STRN3: variants seen among roughly 807,000 people sequenced by gnomAD.
STRN3 encodes the protein striatin-3.
In STRN3, 29 loss-of-function variants were observed where a neutral mutation model predicts 95.6. The observed-to-expected ratio is 0.30, with a 90% CI of 0.23 to 0.41. The LOEUF (loss-of-function observed/expected upper bound fraction) is 0.41, where lower values mean the gene tolerates loss of function less well. Ranked by LOEUF, STRN3 falls within the 10% of genes least tolerant of loss-of-function variation. The pLI is 1.00. For synonymous variants in STRN3, 331 were observed against 357.6 expected (o/e 0.93, Z 0.84); for missense variants, 890 against 972.1 (o/e 0.92, Z 1.12).
chr14:30,907,797 ATC>A lies in STRN3; in HGVS notation c.1721-755_1721-754del, dbSNP rs113823728. 2.6e-5 allele frequency among the ~76,000 whole-genome samples: 4 copies of A among 152,280 alleles called. 1 individual carries two copies. Among genetic ancestry groups the A allele is most frequent in the African/African-American group, 9.6e-5 (4 of 41,564 alleles). On this transcript the variant is annotated intron_variant, in intron 13 of 17. Transcript: ENST00000357479. Reference sequence around the variant, plus strand: ...TGTATGGATATACCATATTTTATTTATCTGTTCCTTAACTGACAGACATTTGA... The same window carrying A: ...TGTATGGATATACCATATTTTATTTATGTTCCTTAACTGACAGACATTTGA...
At chr14:30,952,071 T>C (rs1010682039) in intron 3 of STRN3, among the ~76,000 whole-genome samples, 1 of 151,800 alleles carries the variant, frequency 6.6e-6, no homozygotes, top group African/African-American at 2.4e-5. Flanking sequence ...TGAGCCAAGA[T>C]TGCACCACTG....
Position 30,956,040 on chromosome 14 carries a change from T to C in STRN3, c.386+99A>G, listed in dbSNP as rs532670026. On this transcript the variant is annotated intron_variant, in intron 2 of 17. Transcript: ENST00000357479. ...AGCATCATGTATTCGGGCAAGGATT[T>C]GTACCTTTCAAAAAAAGCTGCCAAA... is the stretch of plus-strand genomic sequence containing the variant. 2.1e-5 allele frequency: 20 copies of C among 961,044 alleles called. No individual in the cohort carries two copies. In the Admixed American group the frequency reaches 4.6e-4, roughly 22 times the overall value. 59.5% of individuals were successfully genotyped at this position (961,044 alleles called of 1,614,324 possible).
intron 1 of STRN3, among the ~76,000 whole-genome samples, chr14:30,974,677 G>A (rs548270993): frequency 6.6e-6 from 1 of 151,134 alleles, no homozygotes; most frequent in African/African-American, 2.4e-5. Context: ...TATGGCACAC[G>A]CCTGTAGTCT....
intron 1 of STRN3, among the ~76,000 whole-genome samples, chr14:31,023,098 A>G (rs1883576925): frequency 6.6e-6 from 1 of 152,236 alleles, no homozygotes; most frequent in Non-Finnish European, 1.5e-5. Context: ...ATTACAAAAA[A>G]GAAAAGTGTA....
chr14:30,987,363 T>C (rs1036848793), intron 1 of STRN3, among the ~76,000 whole-genome samples: 1 of 151,816 alleles, frequency 6.6e-6, no homozygotes, highest in African/African-American at 2.4e-5. Context: ...AAAAATTAGC[T>C]GGGCGTGGTG....
intron 1 of STRN3, among the ~76,000 whole-genome samples, chr14:30,986,152 A>G (rs1049207015): frequency 3.3e-5 from 5 of 152,198 alleles, no homozygotes; most frequent in African/African-American, 7.2e-5. Context: ...TTTACCTTCC[A>G]TTTGGAAAAC....
At chr14:30,921,360 G>C (rs926041775) in intron 8 of STRN3, among the ~76,000 whole-genome samples, 3 of 152,266 alleles carry the variant, frequency 2.0e-5, no homozygotes, top group Admixed American at 2.0e-4. Flanking sequence ...CATGAACTGG[G>C]AGATATAGAA....
At chr14:30,953,060 A>G (rs1035830379) in intron 3 of STRN3, among the ~76,000 whole-genome samples, 2 of 152,226 alleles carry the variant, frequency 1.3e-5, no homozygotes, top group Admixed American at 1.3e-4. Context: ...CTGTATGGCA[A>G]TACAGATTAA....
At chr14:30,967,930 G>A (rs867743019) in intron 1 of STRN3, among the ~76,000 whole-genome samples, 25 of 152,178 alleles carry the variant, frequency 1.6e-4, no homozygotes, top group Non-Finnish European at 1.5e-4. Context: ...TGGGGTGGTG[G>A]GGGAACAACA....
intron 1 of STRN3, among the ~76,000 whole-genome samples, chr14:30,995,645 T>C (rs1244076473): frequency 6.6e-6 from 1 of 151,946 alleles, no homozygotes; most frequent in Non-Finnish European, 1.5e-5. Context: ...TTAGGAAGAG[T>C]TGCCCATCTT....
At chr14:30,896,593 G>A (rs900802229) in intron 16 of STRN3, among the ~76,000 whole-genome samples, 1 of 151,136 alleles carries the variant, frequency 6.6e-6, no homozygotes, top group African/African-American at 2.4e-5. Flanking sequence ...GGGGAGGGGA[G>A]GGAAGAAGGA....
At chr14:30,987,754 T>C (rs1459137816) in intron 1 of STRN3, among the ~76,000 whole-genome samples, 1 of 151,982 alleles carries the variant, frequency 6.6e-6, no homozygotes, top group African/African-American at 2.4e-5. Context: ...TTTTTTTTTT[T>C]TGAGACAGAC....
chr14:30,917,721 G>C (rs1896777270), intron 9 of STRN3, among the ~76,000 whole-genome samples: 1 of 150,936 alleles, frequency 6.6e-6, no homozygotes, highest in South Asian at 2.1e-4. Context: ...TTTTTTTTAA[G>C]GTGAGTGAAG....
chr14:31,014,369 T>C (rs527269847), intron 1 of STRN3, among the ~76,000 whole-genome samples: 10 of 151,874 alleles, frequency 6.6e-5, no homozygotes, highest in African/African-American at 2.2e-4. Flanking sequence ...TACAGGCGCG[T>C]TGACACCACA....
rs1167815227 is a variant in STRN3 at position 30,983,307 on chromosome 14, C to T, written c.283-27065G>A. On this transcript the variant is annotated intron_variant, in intron 1 of 17. Coordinates refer to ENST00000357479, the MANE Select transcript of STRN3 (RefSeq NM_001083893.2). ...CCTGTTATCCCAGCACTTTGGGAGG[C>T]TGAGGTGGGAGGATCGCCTGAGGTC... 2.6e-5 allele frequency among the ~76,000 whole-genome samples: 4 copies of T among 152,154 alleles called. No homozygotes were observed. In the East Asian group the frequency reaches 7.7e-4, roughly 29 times the overall value.
At chr14:30,923,880 T>G (rs1594442689) in intron 8 of STRN3, among the ~76,000 whole-genome samples, 1 of 152,230 alleles carries the variant, frequency 6.6e-6, no homozygotes, top group East Asian at 1.9e-4. Context: ...TTCAGATGCT[T>G]CGTTCATACT....
At chr14:31,020,695 G>T (rs1411523946) in intron 1 of STRN3, among the ~76,000 whole-genome samples, 1 of 152,056 alleles carries the variant, frequency 6.6e-6, no homozygotes, top group East Asian at 1.9e-4. Context: ...AATCATTTGA[G>T]CCCAGGAGTT....
chr14:31,020,899 C>T (rs1451383411), intron 1 of STRN3, among the ~76,000 whole-genome samples: 1 of 151,590 alleles, frequency 6.6e-6, no homozygotes, highest in Non-Finnish European at 1.5e-5. Context: ...GAGTAGGACG[C>T]TCTCTTGAAA....
rs562785718 is a variant in STRN3 at position 30,993,971 on chromosome 14, G to A, written c.282+31933C>T. Among the ~76,000 whole-genome samples, 426 of 151,442 alleles carry A rather than the reference G, an allele frequency of 2.8e-3. 5 individuals carry two copies. The highest frequency in any genetic ancestry group is 9.6e-3 in the African/African-American group (398 of 41,260). On this transcript the variant is annotated intron_variant, in intron 1 of 17. Transcript: ENST00000357479. ...CGGCTCACGGCAAGCTCCACCTCTC[G>A]GGATCAAGCGATTCTCCTGCCTCAG...
Sources: gnomAD v4.1 joint callset for allele counts (sites outside exome capture counted in the v4.1 genomes callset) on GRCh38, gnomAD v4.1.1 for gene constraint, MANE v1.5 for transcripts, NCBI Gene and HGNC (gene_info 2026-07-23, HGNC 2026-07-21) for gene names.